The following AP1B1 variants were observed in gnomAD, a reference collection of about 807,000 sequenced individuals.
The protein encoded by AP1B1 is AP-1 complex subunit beta-1.
A neutral mutation model predicts 104.3 loss-of-function variants in AP1B1; 36 were observed. That is an observed-to-expected ratio of 0.35 (90% confidence interval 0.26 to 0.46). The LOEUF (loss-of-function observed/expected upper bound fraction) is 0.46. Among genes scored for constraint, AP1B1 ranks in the 20% least tolerant of loss-of-function variants. The probability of loss-of-function intolerance (pLI) is 1.00; values close to 1 mark genes in which losing one functional copy is unlikely to be tolerated. For missense variants in AP1B1, 901 were observed against 1,247.9 expected (o/e 0.72, Z 4.19); for synonymous variants, 504 against 517.5 (o/e 0.97, Z 0.35).
chr22:29,351,195 A>T lies in AP1B1; in HGVS notation c.1131T>A (p.Ile377=). The T allele has an allele frequency of 6.2e-7, 1 of 1,613,614 alleles. No homozygotes were observed. The highest frequency in any genetic ancestry group is 8.5e-7 in the Non-Finnish European group (1 of 1,179,536). The change falls in exon 9 of 23, where the codon ATT becomes ATA. Residue 377 remains isoleucine (I), a synonymous_variant. Transcript: ENST00000357586. The stretch of plus-strand genomic sequence containing the variant: ...CCTCCACCTTGATGGCGCAGCGGCC[A>T]ATAGCACGCACAGCCTTCCGTACAA... The part of the protein sequence containing the change: ...VDFVRKAVRA[I]GRCAIKVEQS...
intron 18 of AP1B1, 118 bp from the exon 19 acceptor site, chr22:29,331,651 C>T (rs913728946): frequency 2.5e-5 from 39 of 1,575,942 alleles, no homozygotes; most frequent in Admixed American, 1.5e-4. Flanking sequence ...CACACCCCTT[C>T]GTTCCCCAAC....
chr22:29,350,166 A>C lies in AP1B1; in HGVS notation c.1156-16T>G. ...CCGCAGATTGCTGCATGGGAAGAGA[A>C]GAGTGTGGGCGAGGTCCCCGCACCC... On this transcript the variant is annotated splice_polypyrimidine_tract_variant and intron_variant, in intron 9 of 22. Coordinates refer to ENST00000357586, the MANE Select transcript of AP1B1 (RefSeq NM_001127.4). 1.2e-6 allele frequency: 2 copies of C among 1,610,236 alleles called. No individual in the cohort carries two copies. Among genetic ancestry groups the C allele is most frequent in the Non-Finnish European group, 1.7e-6 (2 of 1,176,696 alleles).
At chr22:29,362,815 A>C (rs184808636) in intron 3 of AP1B1, among the ~76,000 whole-genome samples, 186 bp downstream of exon 3, 2 of 152,220 alleles carry the variant, frequency 1.3e-5, no homozygotes, top group East Asian at 3.9e-4. Flanking sequence ...CTGACCTGTC[A>C]GTGTCTGGGC....
At chr22:29,360,891 T>G (rs1043355532) in intron 3 of AP1B1, among the ~76,000 whole-genome samples, 1 of 152,282 alleles carries the variant, frequency 6.6e-6, no homozygotes, top group Admixed American at 6.5e-5. Context: ...CGTGTCAACA[T>G]AGAGACTTAG....
intron 21 of AP1B1, chr22:29,329,978 C>CT (rs1263737634): frequency 7.1e-7 from 1 of 1,415,770 alleles, no homozygotes; most frequent in Non-Finnish European, 9.2e-7. Context: ...AAGCCATTCT[C>CT]TAACAGGTCT....
Position 29,351,688 on chromosome 22 carries a change from C to G in AP1B1, c.1059+17G>C. The G allele has an allele frequency of 6.2e-7, 1 of 1,613,208 alleles. No homozygotes were observed. The highest frequency in any genetic ancestry group is 1.7e-5 in the Admixed American group (1 of 59,970). On this transcript the variant is annotated intron_variant, in intron 8 of 22. Transcript: ENST00000357586. Reference sequence around the variant, plus strand: ...TCCCACACTGAGCCCGTGTCCTGACCATCACACGCAGCTGACCTGGGCGAT... The same window carrying G: ...TCCCACACTGAGCCCGTGTCCTGACGATCACACGCAGCTGACCTGGGCGAT...
chr22:29,375,376 A>G (rs1489043254), intron 1 of AP1B1, among the ~76,000 whole-genome samples: 2 of 137,974 alleles, frequency 1.4e-5, no homozygotes, highest in Non-Finnish European at 3.1e-5. Context: ...AAAAAAAAAA[A>G]GCATCTCAGA....
chr22:29,384,196 C>G (rs2062484312), intron 1 of AP1B1, among the ~76,000 whole-genome samples: 2 of 152,164 alleles, frequency 1.3e-5, no homozygotes, highest in African/African-American at 4.8e-5. Flanking sequence ...CAGTGCCCGG[C>G]CCACAAAATG....
At chr22:29,375,020 T>C (rs1400667468) in intron 1 of AP1B1, among the ~76,000 whole-genome samples, 1 of 152,100 alleles carries the variant, frequency 6.6e-6, no homozygotes, top group Non-Finnish European at 1.5e-5. Flanking sequence ...TAGCACAGCA[T>C]ATGGACATAT....
At position 29,341,598 on chromosome 22, in the gene AP1B1, T is replaced by C. The variant is rs1360184297; in HGVS notation, c.1699A>G (p.Ile567Val). Residue 567 changes from isoleucine (I) to valine (V), a missense_variant, in exon 13 of 23, where the codon ATC becomes GTC. Around this residue, in one of 3 missense-constraint regions of AP1B1, gnomAD observed 471 missense variants for 696.7 expected, o/e 0.68. Transcript: ENST00000357586. ...TGGTAGACGGAAGCCAGCGTGCCGATGTAGCAGATAAGCTCGTCTAACAGT... is the reference window on the plus strand; with the variant it reads ...TGGTAGACGGAAGCCAGCGTGCCGACGTAGCAGATAAGCTCGTCTAACAGT... Reference protein sequence around the residue: ...PTLLDELICYIGTLASVYHKP... With the variant: ...PTLLDELICYVGTLASVYHKP... 6.2e-6 allele frequency: 10 copies of C among 1,614,248 alleles called. No individual in the cohort carries two copies. The highest frequency in any genetic ancestry group is 2.7e-5 in the African/African-American group (2 of 75,064).
At chr22:29,377,669 G>C (rs550396083) in intron 1 of AP1B1, among the ~76,000 whole-genome samples, 1 of 151,946 alleles carries the variant, frequency 6.6e-6, no homozygotes, top group Non-Finnish European at 1.5e-5. Flanking sequence ...AATTAGCCAG[G>C]CATGGTGGCG....
Position 29,339,017 on chromosome 22 carries a change from C to T in AP1B1, c.2136G>A (p.Leu712=), listed in dbSNP as rs766089312. The T allele has an allele frequency of 6.8e-6, 11 of 1,614,188 alleles. No individual in the cohort carries two copies. The East Asian group carries it at 1.1e-4, about 16-fold the overall frequency. The stretch of plus-strand genomic sequence containing the variant: ...CTTTGGGGGCCACATATGATCCTGA[C>T]AGGGTGCCCACGCCACTGGTCAGGT... The part of the protein sequence containing the change: ...LFDLTSGVGT[L]SGSYVAPKAV... The change falls in exon 16 of 23, where the codon CTG becomes CTA. Residue 712 remains leucine (L), a synonymous_variant. Coordinates refer to ENST00000357586, the MANE Select transcript of AP1B1 (RefSeq NM_001127.4).
rs1378349958 is a variant in AP1B1 at position 29,351,246 on chromosome 22, C to T, written c.1080G>A (p.Glu360=). ...NIAQVLAELK[E]YATEVDVDFV... is the part of the protein sequence containing the mutation. ...AGTCCACATCCACTTCTGTTGCGTA[C>T]TCTTTCAGCTCTGCCAACACCTGTG... Residue 360 remains glutamate, a synonymous_variant, in exon 9 of 23, where the codon GAG becomes GAA. Transcript: ENST00000357586. The T allele has an allele frequency of 6.2e-7, 1 of 1,614,214 alleles. No individual in the cohort carries two copies. The highest frequency in any genetic ancestry group is 8.5e-7 in the Non-Finnish European group (1 of 1,180,044).
Position 29,358,809 on chromosome 22 carries a change from G to C in AP1B1, c.442C>G (p.Leu148Val). 6.2e-7 allele frequency: 1 copy of C among 1,614,234 alleles called. No individual in the cohort carries two copies. Among genetic ancestry groups the C allele is most frequent in the Non-Finnish European group, 8.5e-7 (1 of 1,180,048 alleles). ...ACCAGCTGGGCGTTGATGTCGTGGA[G>C]CTTGGCCACGCACACAGCTGCTGTC... ...RKTAAVCVAKLHDINAQLVED... is the reference protein window; with the variant it reads ...RKTAAVCVAKVHDINAQLVED... The change falls in exon 5 of 23, where the codon CTC (leucine) becomes GTC (valine). Residue 148 changes from leucine to valine, a missense_variant. Physicochemically the swap from Leu to Val is conservative, Grantham distance 32 (BLOSUM62 1). Transcript: ENST00000357586.
In AP1B1 at chr22:29,350,090, C is replaced by T; in HGVS notation, c.1216G>A (p.Val406Met). The T allele has an allele frequency of 6.2e-7, 1 of 1,614,230 alleles. No homozygotes were observed. Among genetic ancestry groups the T allele is most frequent in the South Asian group, 1.1e-5 (1 of 91,086 alleles). ...ATGACCACGATGGCCTCCTGGACCA[C>T]ATAGTTGACCTTGGTCTGGATGAGG... The part of the protein sequence containing the change: ...LDLIQTKVNY[V>M]VQEAIVVIKD... Residue 406 changes from valine (V) to methionine (M), a missense_variant, in exon 10 of 23, where the codon GTG (valine) becomes ATG (methionine). Around this residue, in one of 3 missense-constraint regions of AP1B1, gnomAD observed 471 missense variants for 696.7 expected, o/e 0.68. Transcript: ENST00000357586.
At chr22:29,347,932 C>A (rs2061817023) in intron 11 of AP1B1, among the ~76,000 whole-genome samples, 1 of 152,196 alleles carries the variant, frequency 6.6e-6, no homozygotes, top group Non-Finnish European at 1.5e-5. Flanking sequence ...TCAATGAGCA[C>A]AAGACTGGAC....
In AP1B1 at chr22:29,356,626, AG is replaced by A. The variant is rs1385015399; in HGVS notation, c.526-11del. On this transcript the variant is annotated splice_polypyrimidine_tract_variant and intron_variant, in intron 5 of 22. Transcript: ENST00000357586. ...CTGCATTGGCCACCACCTGGTTGAG[AG>A]GGTGGGAGGGGCAGAGGCTGGGGGT... 6.2e-7 allele frequency: 1 copy of A among 1,612,738 alleles called. No individual in the cohort carries two copies. The highest frequency in any genetic ancestry group is 8.5e-7 in the Non-Finnish European group (1 of 1,179,184).
At chr22:29,342,435 G>T in intron 11 of AP1B1, 52 bp from the exon 12 acceptor site, 1 of 1,466,928 alleles carries the variant, frequency 6.8e-7, no homozygotes. Context: ...CATGGGGATA[G>T]AGGGAGAACA....
At chr22:29,343,227 C>T (rs1397941591) in intron 11 of AP1B1, among the ~76,000 whole-genome samples, 1 of 152,270 alleles carries the variant, frequency 6.6e-6, no homozygotes, top group Non-Finnish European at 1.5e-5. Context: ...GACAAGGGGG[C>T]AGCCTGATGC....
Sources: gnomAD v4.1 joint callset for allele counts (sites outside exome capture counted in the v4.1 genomes callset) on GRCh38, gnomAD v4.1.1 for gene constraint, gnomAD v4.1.1 regional missense constraint, MANE v1.5 for transcripts, NCBI Gene and HGNC (gene_info 2026-07-23, HGNC 2026-07-21) for gene names.